Variants in CDH11 observed in about 807,000 individuals in gnomAD.
The protein encoded by CDH11 is cadherin 11.
Under a neutral mutation model 67.8 loss-of-function variants are expected in CDH11, and 11 were observed. That is an observed-to-expected ratio of 0.16 (90% CI 0.10 to 0.27). The LOEUF is 0.27. Ranked by LOEUF, CDH11 falls within the 10% of genes least tolerant of loss-of-function variation. The probability of loss-of-function intolerance (pLI) is 1.00; values close to 1 mark genes in which losing one functional copy is unlikely to be tolerated. For synonymous variants in CDH11, 419 were observed against 400.0 expected (o/e 1.05, Z -0.57); for missense variants, 847 against 1,031.2 (o/e 0.82, Z 2.45).
intron 1 of CDH11, 44 bp from the exon 2 acceptor site, chr16:65,053,972 A>G (rs953782558): frequency 2.2e-6 from 1 of 455,078 alleles, no homozygotes; most frequent in Non-Finnish European, 4.4e-6. Flanking sequence ...TGGTGCCATG[A>G]ATTGACCAAG....
intron 2 of CDH11, among the ~76,000 whole-genome samples, chr16:65,025,442 A>C (rs1471849769): frequency 6.6e-6 from 1 of 152,128 alleles, no homozygotes; most frequent in Non-Finnish European, 1.5e-5. Flanking sequence ...TCCCGGGTTC[A>C]AACGATTCTC....
At chr16:65,089,540 C>T (rs896507402) in intron 1 of CDH11, among the ~76,000 whole-genome samples, 8 of 151,820 alleles carry the variant, frequency 5.3e-5, no homozygotes, top group Non-Finnish European at 1.0e-4. Flanking sequence ...CTAAGTCTTG[C>T]AGTGCTTAAA....
intron 4 of CDH11, among the ~76,000 whole-genome samples, chr16:64,995,901 T>C (rs1388434389): frequency 6.6e-6 from 1 of 151,554 alleles, no homozygotes; most frequent in Non-Finnish European, 1.5e-5. Flanking sequence ...ATTCAACAAG[T>C]AAAAAAACAA....
chr16:64,981,976 C>T (rs1240078550), intron 8 of CDH11, 72 bp downstream of exon 8: 12 of 1,410,318 alleles, frequency 8.5e-6, no homozygotes, highest in Non-Finnish European at 1.1e-5. Flanking sequence ...AACGTGGTTC[C>T]TACAGGGCTT....
chr16:65,036,817 T>C lies in CDH11; in HGVS notation c.-173+16987A>G, dbSNP rs1022551994. Among the ~76,000 whole-genome samples the C allele has an allele frequency of 6.6e-5, 10 of 152,308 alleles. No individual in the cohort carries two copies. In the East Asian group the frequency reaches 1.9e-3, roughly 29 times the overall value. Reference sequence around the variant, plus strand: ...GATACACTTTGAAGGCAAGAAATCATTTGGATACTTGGGTCCCATACTGTT... The same window carrying C: ...GATACACTTTGAAGGCAAGAAATCACTTGGATACTTGGGTCCCATACTGTT... On this transcript the variant is annotated intron_variant, in intron 2 of 12. Coordinates refer to ENST00000268603, the MANE Select transcript of CDH11 (RefSeq NM_001797.4).
intron 1 of CDH11, among the ~76,000 whole-genome samples, chr16:65,092,881 T>G (rs1034822091): frequency 2.0e-5 from 3 of 151,758 alleles, no homozygotes; most frequent in African/African-American, 7.3e-5. Context: ...AGTGATGTGA[T>G]GTACTTTTTA....
At chr16:64,951,091 G>T in intron 11 of CDH11, 73 bp from the exon 12 acceptor site, 1 of 1,433,358 alleles carries the variant, frequency 7.0e-7, no homozygotes, top group Non-Finnish European at 9.6e-7. Flanking sequence ...CTGCTCGGCA[G>T]ATTTGAGGGC....
At chr16:64,989,621 G>T (rs974509444) in intron 6 of CDH11, among the ~76,000 whole-genome samples, 1 of 152,156 alleles carries the variant, frequency 6.6e-6, no homozygotes, top group East Asian at 1.9e-4. Flanking sequence ...AGAGAGAAGG[G>T]CTGTAAGGAA....
chr16:64,960,830 A>T (rs1346063989), intron 11 of CDH11, among the ~76,000 whole-genome samples: 16 of 152,128 alleles, frequency 1.1e-4, no homozygotes, highest in Non-Finnish European at 1.5e-5. Context: ...GAAAGAATTT[A>T]AAAAAGAGAG....
chr16:65,067,425 T>C (rs2074331145), intron 1 of CDH11, among the ~76,000 whole-genome samples: 1 of 152,218 alleles, frequency 6.6e-6, no homozygotes, highest in Non-Finnish European at 1.5e-5. Context: ...TAGCGAAGTA[T>C]GCTTTCGAGG....
intron 11 of CDH11, among the ~76,000 whole-genome samples, chr16:64,954,354 G>T (rs188634843): frequency 6.6e-6 from 1 of 152,118 alleles, no homozygotes. Flanking sequence ...TTTCTTCCTG[G>T]GTGAATACTA....
At chr16:65,104,839 A>G (rs1010097048) in intron 1 of CDH11, among the ~76,000 whole-genome samples, 1 of 152,214 alleles carries the variant, frequency 6.6e-6, no homozygotes, top group Non-Finnish European at 1.5e-5. Context: ...CATTCAAAAG[A>G]AAGACCCCAA....
intron 1 of CDH11, among the ~76,000 whole-genome samples, chr16:65,067,043 G>A (rs1044903790): frequency 6.6e-6 from 1 of 152,192 alleles, no homozygotes; most frequent in African/African-American, 2.4e-5. Flanking sequence ...GTGTGGTGGG[G>A]AGAGCTGGAG....
intron 7 of CDH11, among the ~76,000 whole-genome samples, chr16:64,984,351 C>T (rs2072430529): frequency 6.6e-6 from 1 of 152,206 alleles, no homozygotes; most frequent in African/African-American, 2.4e-5. Flanking sequence ...ATGCATCCAT[C>T]ATTTTGACTG....
At chr16:65,112,463 G>A (rs530949391) in intron 1 of CDH11, among the ~76,000 whole-genome samples, 1 of 152,168 alleles carries the variant, frequency 6.6e-6, no homozygotes, top group Admixed American at 6.5e-5. Flanking sequence ...CTTCCTTTGG[G>A]GCCCTTACAG....
chr16:65,057,798 AGG>A (rs1393367864), intron 1 of CDH11, among the ~76,000 whole-genome samples: 2 of 152,240 alleles, frequency 1.3e-5, no homozygotes, highest in African/African-American at 4.8e-5. Flanking sequence ...GCATAGAGCA[AGG>A]AAGTAGCATA....
chr16:64,971,458 C>A, intron 11 of CDH11, 121 bp downstream of exon 11: 1 of 629,374 alleles, frequency 1.6e-6, no homozygotes, highest in Non-Finnish European at 2.8e-6. Flanking sequence ...TTATTATTTC[C>A]GGTTTCTTCT....
At chr16:64,968,311 CTACATAGAGGAGAGATAT>C in intron 11 of CDH11, 1 of 485,138 alleles carries the variant, frequency 2.1e-6, no homozygotes, top group Non-Finnish European at 2.7e-6. Context: ...CAGTTAAGAG[CTACATAGAGGAGAGATAT>C]TATCTCAGTC....
intron 1 of CDH11, among the ~76,000 whole-genome samples, chr16:65,092,335 AG>A (rs2074806006): frequency 1.3e-5 from 2 of 152,346 alleles, no homozygotes; most frequent in South Asian, 2.1e-4. Context: ...CTGGACTCCC[AG>A]GCCAATGTTC....
Sources: allele counts gnomAD v4.1 joint callset (sites outside exome capture counted in the v4.1 genomes callset), GRCh38; gene constraint gnomAD v4.1.1; transcripts MANE v1.5; gene names NCBI Gene and HGNC (gene_info 2026-07-23, HGNC 2026-07-21).